Variants in ZC3H12B observed in about 807,000 individuals in gnomAD.
ZC3H12B encodes zinc finger CCCH-type containing 12B.
In ZC3H12B, 7 loss-of-function variants were observed where a neutral mutation model predicts 43.9. The observed-to-expected ratio is 0.16, with a 90% confidence interval of 0.09 to 0.30. ZC3H12B has a LOEUF of 0.30. ZC3H12B is among the 10% of genes least tolerant of loss of function. The pLI is 1.00. For synonymous variants in ZC3H12B, 222 were observed against 241.7 expected (o/e 0.92, Z 0.76); for missense variants, 475 against 670.2 (o/e 0.71, Z 3.22).
At chrX:65,220,103 A>T in the ZC3H12B span, among the ~76,000 whole-genome samples, 1 of 111,609 alleles carries the variant, frequency 9.0e-6, no homozygotes, top group African/African-American at 3.3e-5. Context: ...ATCCAGCAAA[A>T]CTAAACTTCA....
At chrX:65,419,324 A>T (rs1234830948) in intron 3 of ZC3H12B, among the ~76,000 whole-genome samples, 1 of 111,876 alleles carries the variant, frequency 8.9e-6, no homozygotes, top group Non-Finnish European at 1.9e-5. Context: ...TCACGGAATT[A>T]AAAGATGCAG....
At chrX:65,357,386 T>C in the ZC3H12B span, 1 of 207,950 alleles carries the variant, frequency 4.8e-6, no homozygotes, top group Non-Finnish European at 8.9e-6. Context: ...GCACAAACAC[T>C]ACCATAGTGT....
the ZC3H12B span, among the ~76,000 whole-genome samples, chrX:65,219,399 C>CA: frequency 3.9e-4 from 43 of 111,009 alleles, no homozygotes; most frequent in Non-Finnish European, 6.8e-4. Flanking sequence ...CAACTTAAAT[C>CA]AAAAAAATGA....
At chrX:65,332,722 AT>A in the ZC3H12B span, among the ~76,000 whole-genome samples, 14 of 112,031 alleles carry the variant, frequency 1.2e-4, no homozygotes, top group Non-Finnish European at 2.4e-4. Flanking sequence ...AACTGATGAG[AT>A]TAGAATCTAA....
chrX:65,076,679 G>A, the ZC3H12B span, among the ~76,000 whole-genome samples: 1 of 108,737 alleles, frequency 9.2e-6, no homozygotes, highest in Admixed American at 9.9e-5. Flanking sequence ...ATCTAGTATT[G>A]AGTCCATCTG....
intron 2 of ZC3H12B, among the ~76,000 whole-genome samples, chrX:65,384,134 G>A (rs1210401237): frequency 2.0e-5 from 2 of 101,786 alleles, no homozygotes; most frequent in Non-Finnish European, 4.0e-5. Flanking sequence ...GTCCAACAAT[G>A]ATAGACTGGA....
At chrX:65,433,274 G>A (rs111853470) in intron 3 of ZC3H12B, among the ~76,000 whole-genome samples, 2,042 of 112,109 alleles carry the variant, frequency 0.018, 55 homozygotes, top group African/African-American at 0.063. Context: ...GATGCGATGA[G>A]AGTCACCACC....
chrX:65,144,719 T>C, the ZC3H12B span, among the ~76,000 whole-genome samples: 2 of 111,826 alleles, frequency 1.8e-5, no homozygotes, highest in Non-Finnish European at 1.9e-5. Flanking sequence ...CATCTTGATT[T>C]CATTTTTGAC....
intron 2 of ZC3H12B, among the ~76,000 whole-genome samples, chrX:65,391,269 G>C (rs957238299): frequency 1.8e-5 from 2 of 111,680 alleles, no homozygotes; most frequent in Non-Finnish European, 3.8e-5. Flanking sequence ...TTAATATACT[G>C]TGGGAAAAAA....
chrX:65,085,787 T>G, the ZC3H12B span, among the ~76,000 whole-genome samples: 1 of 111,178 alleles, frequency 9.0e-6, no homozygotes, highest in Non-Finnish European at 1.9e-5. Context: ...AAAAAAAGAT[T>G]TTGAAAGAAT....
At chrX:65,439,249 C>A (rs1473102717) in intron 3 of ZC3H12B, among the ~76,000 whole-genome samples, 1 of 111,748 alleles carries the variant, frequency 8.9e-6, no homozygotes, top group Non-Finnish European at 1.9e-5. Context: ...CTAGAGCCAG[C>A]CATATCATTT....
At chrX:65,497,042 A>C (rs2068297821) in intron 1 of ZC3H12B, 90 bp from the exon 7 acceptor site, 2 of 722,752 alleles carry the variant, frequency 2.8e-6, no homozygotes, top group East Asian at 7.5e-5. Context: ...GTCTATTATT[A>C]ATACCTTGGT....
chrX:65,122,313 T>A, the ZC3H12B span, among the ~76,000 whole-genome samples: 3 of 110,834 alleles, frequency 2.7e-5, no homozygotes, highest in African/African-American at 9.8e-5. Context: ...AGAAATAAAA[T>A]CCTTTACAGA....
the ZC3H12B span, among the ~76,000 whole-genome samples, chrX:65,216,232 G>A: frequency 8.9e-6 from 1 of 111,927 alleles, no homozygotes. Flanking sequence ...GGAAAGGGTA[G>A]GAAGGACAGT....
At chrX:65,155,870 G>T in the ZC3H12B span, among the ~76,000 whole-genome samples, 1 of 109,192 alleles carries the variant, frequency 9.2e-6, no homozygotes, top group Non-Finnish European at 1.9e-5. Context: ...AAAAAAAAAA[G>T]TTGGAAATTA....
At chrX:65,458,085 T>TAAAAAAAAA (rs59738258) in intron 3 of ZC3H12B, among the ~76,000 whole-genome samples, 5 of 49,061 alleles carry the variant, frequency 1.0e-4, no homozygotes, top group South Asian at 8.7e-4. Flanking sequence ...AAAAAAAAAT[T>TAAAAAAAAA]AAAAAAAAAA....
At chrX:65,240,516 T>A in the ZC3H12B span, among the ~76,000 whole-genome samples, 1 of 111,801 alleles carries the variant, frequency 8.9e-6, no homozygotes, top group South Asian at 3.8e-4. Flanking sequence ...AGAACATGCT[T>A]CTTTAGCTCA....
chrX:65,129,930 G>T, the ZC3H12B span, among the ~76,000 whole-genome samples: 1 of 111,126 alleles, frequency 9.0e-6, no homozygotes, highest in African/African-American at 3.3e-5. Flanking sequence ...AGAATTATTG[G>T]TGATGGTCTG....
At chrX:65,374,546 T>C (rs1265987318) in intron 2 of ZC3H12B, among the ~76,000 whole-genome samples, 2 of 108,715 alleles carry the variant, frequency 1.8e-5, no homozygotes, top group Non-Finnish European at 3.8e-5. Context: ...CCAAATGTAA[T>C]AACTATCTAA....
Sources: allele counts gnomAD v4.1 joint callset (sites outside exome capture counted in the v4.1 genomes callset), GRCh38; gene constraint gnomAD v4.1.1; transcripts MANE v1.5; gene names NCBI Gene and HGNC (gene_info 2026-07-23, HGNC 2026-07-21).